KLRD1: variants seen among roughly 807,000 people sequenced by gnomAD.
The protein encoded by KLRD1 is killer cell lectin like receptor D1.
A neutral mutation model predicts 22.6 loss-of-function variants in KLRD1; 21 were observed. The observed-to-expected ratio is 0.93, with a 90% CI of 0.66 to 1.34. The LOEUF (loss-of-function observed/expected upper bound fraction) is 1.34, where lower values mean the gene tolerates loss of function less well. Among genes scored for constraint, KLRD1 ranks in the 40% most tolerant of loss-of-function variants. KLRD1 has a pLI of 0.00. For synonymous variants in KLRD1, 59 were observed against 71.1 expected (o/e 0.83, Z 0.85); for missense variants, 183 against 208.6 (o/e 0.88, Z 0.76).
rs572570971 is a variant in KLRD1 at position 10,313,720 on chromosome 12, T to C, written c.419+207T>C. On this transcript the variant is annotated intron_variant, in intron 5 of 5. Coordinates refer to ENST00000336164, the MANE Select transcript of KLRD1 (RefSeq NM_002262.5). ...TAAGTGTTAAAATCAAAACAGAAGA[T>C]AATGCCTAATGAAAGGAGGTCGGGG... Among the ~76,000 whole-genome samples the C allele has an allele frequency of 2.0e-5, 3 of 152,244 alleles. No individual in the cohort carries two copies. In the East Asian group the frequency reaches 5.8e-4, roughly 29 times the overall value.
chr12:10,306,252 C>CTGTG (rs1043979688), upstream of KLRD1, among the ~76,000 whole-genome samples: 4 of 151,618 alleles, frequency 2.6e-5, no homozygotes, highest in East Asian at 3.9e-4. Flanking sequence ...TATATGTTTA[C>CTGTG]TGTGTGTGTG....
At chr12:10,308,253 A>G (rs764517049) in intron 1 of KLRD1, 169 bp downstream of exon 1, 18 of 622,684 alleles carry the variant, frequency 2.9e-5, no homozygotes, top group Non-Finnish European at 4.6e-5. Flanking sequence ...CTGATTCTTC[A>G]TTGTATAACT....
intron 1 of KLRD1, among the ~76,000 whole-genome samples, chr12:10,247,560 A>G (rs1949303838): frequency 6.6e-6 from 1 of 151,984 alleles, no homozygotes; most frequent in Admixed American, 6.6e-5. Context: ...CTTCACTTTC[A>G]TATTTTATTT....
intron 1 of KLRD1, among the ~76,000 whole-genome samples, chr12:10,264,453 A>T (rs1211511658): frequency 6.6e-6 from 1 of 152,156 alleles, no homozygotes; most frequent in Non-Finnish European, 1.5e-5. Flanking sequence ...TTATCAAAGT[A>T]GTATGTCCAG....
chr12:10,254,777 C>T (rs1161915308), intron 1 of KLRD1, among the ~76,000 whole-genome samples: 1 of 152,010 alleles, frequency 6.6e-6, no homozygotes, highest in Non-Finnish European at 1.5e-5. Context: ...CCTGTAATCC[C>T]AGCTACTCTG....
chr12:10,258,007 A>G (rs1485093865), intron 1 of KLRD1, among the ~76,000 whole-genome samples: 1 of 151,824 alleles, frequency 6.6e-6, no homozygotes, highest in Non-Finnish European at 1.5e-5. Context: ...ACATGTGGCT[A>G]CTTTTGAGTG....
intron 1 of KLRD1, among the ~76,000 whole-genome samples, chr12:10,272,541 A>G (rs76086019): frequency 0.012 from 1,816 of 152,296 alleles, 37 homozygotes; most frequent in African/African-American, 0.042. Flanking sequence ...TTTTACCTGT[A>G]TTTATTTCAT....
chr12:10,239,446 C>A lies in KLRD1; in HGVS notation c.-101+13213C>A, dbSNP rs1470510134. Among the ~76,000 whole-genome samples, 27 of 37,936 alleles carry A rather than the reference C, an allele frequency of 7.1e-4. 1 individual carries two copies. Among genetic ancestry groups the A allele is most frequent in the East Asian group, 3.8e-3 (3 of 782 alleles). The allele number at this position is 37,936 out of a possible 152,430, so 24.9% of individuals were successfully genotyped here. A position where few individuals can be genotyped will look rare whatever the true frequency, so the allele number is the denominator to read the frequency against. On this transcript the variant is annotated intron_variant, in intron 1 of 5. Coordinates refer to the KLRD1 transcript ENST00000544747. Reference sequence around the variant, plus strand: ...CATCCTTCCTTCCTTTCCTTCCTTCCTTCCTTCCTTCCTTCCTTCCTTCCT... The same window carrying A: ...CATCCTTCCTTCCTTTCCTTCCTTCATTCCTTCCTTCCTTCCTTCCTTCCT...
chr12:10,262,881 A>T (rs1295556934), intron 1 of KLRD1, among the ~76,000 whole-genome samples: 1 of 152,110 alleles, frequency 6.6e-6, no homozygotes. Flanking sequence ...ACTTTTACTT[A>T]TGAAATATAT....
At chr12:10,296,096 T>A (rs1471641520) in intron 1 of KLRD1, among the ~76,000 whole-genome samples, 1 of 152,180 alleles carries the variant, frequency 6.6e-6, no homozygotes, top group Non-Finnish European at 1.5e-5. Flanking sequence ...GTCCATTATT[T>A]TAAGAAAGAG....
intron 1 of KLRD1, among the ~76,000 whole-genome samples, chr12:10,265,055 C>T (rs567886704): frequency 2.0e-4 from 30 of 152,108 alleles, no homozygotes; most frequent in Non-Finnish European, 4.1e-4. Flanking sequence ...ATAATACCCT[C>T]TCTCTATATA....
Position 10,326,972 on chromosome 12 carries a change from A to C in KLRD1, c.*12179A>C, listed in dbSNP as rs1416953011. ...CTGTGCTTTTGGTGTCAGATTGATG[A>C]TATCATTGCCAAAACCAATGTCAAA... On this transcript the variant is annotated 3_prime_UTR_variant, in exon 6 of 6. Coordinates refer to ENST00000336164, the MANE Select transcript of KLRD1 (RefSeq NM_002262.5). The C allele has an allele frequency of 6.6e-6, 1 of 152,178 alleles. No homozygotes were observed. The highest frequency in any genetic ancestry group is 2.4e-5 in the African/African-American group (1 of 41,428). The allele number at this position is 152,178 out of a possible 1,614,324, so 9.4% of individuals were successfully genotyped here. A position where few individuals can be genotyped will look rare whatever the true frequency, so the allele number is the denominator to read the frequency against.
At chr12:10,239,449 C>T (rs370003509) in intron 1 of KLRD1, among the ~76,000 whole-genome samples, 1,014 of 56,656 alleles carry the variant, frequency 0.018, 49 homozygotes, top group South Asian at 0.041. Context: ...TTCCTTCCTT[C>T]CTTCCTTCCT....
chr12:10,309,715 G>A lies in KLRD1; in HGVS notation c.163+27G>A, dbSNP rs151157195. On this transcript the variant is annotated intron_variant, in intron 3 of 5. Transcript: ENST00000336164. ...TAGGTCACATTTTTTGGAAAACTTA[G>A]CATTGGTAAAAGATTAAATAGGCAG... is the stretch of plus-strand genomic sequence containing the variant. The A allele has an allele frequency of 3.1e-5, 47 of 1,524,690 alleles. No homozygotes were observed. In the African/African-American group the frequency reaches 4.5e-4, roughly 15 times the overall value. The allele number at this position is 1,524,690 out of a possible 1,614,324, so 94.4% of individuals were successfully genotyped here.
chr12:10,300,390 T>C (rs942188484), upstream of KLRD1, among the ~76,000 whole-genome samples: 63 of 152,346 alleles, frequency 4.1e-4, no homozygotes, highest in African/African-American at 1.5e-3. Context: ...ATTAGAGCTT[T>C]TATGTGACCA....
At chr12:10,239,627 TTCTC>T (rs1007539353) in intron 1 of KLRD1, among the ~76,000 whole-genome samples, 1 of 150,464 alleles carries the variant, frequency 6.6e-6, no homozygotes, top group African/African-American at 2.5e-5. Context: ...TCTTTTCTCT[TTCTC>T]TCTGTCTTTT....
At chr12:10,312,003 A>G (rs547511292) in intron 4 of KLRD1, among the ~76,000 whole-genome samples, 1 of 151,328 alleles carries the variant, frequency 6.6e-6, no homozygotes, top group South Asian at 2.1e-4. Flanking sequence ...CTGGGATATA[A>G]GCTAGTATGG....
At position 10,321,353 on chromosome 12, in the gene KLRD1, C is replaced by T. The variant is rs1565478565; in HGVS notation, c.*6560C>T. 6.6e-6 allele frequency: 1 copy of T among 152,174 alleles called. No homozygotes were observed. Among genetic ancestry groups the T allele is most frequent in the Non-Finnish European group, 1.5e-5 (1 of 68,030 alleles). 9.4% of individuals were successfully genotyped at this position (152,174 alleles called of 1,614,324 possible). Reference sequence around the variant, plus strand: ...TTAAGGAACTTCACCTGATGAGTCTCACTCATACCTGGATGTGACAAATTT... The same window carrying T: ...TTAAGGAACTTCACCTGATGAGTCTTACTCATACCTGGATGTGACAAATTT... On this transcript the variant is annotated 3_prime_UTR_variant, in exon 6 of 6. Transcript: ENST00000336164.
chr12:10,250,979 A>G (rs953425569), intron 1 of KLRD1, among the ~76,000 whole-genome samples: 22 of 152,132 alleles, frequency 1.4e-4, no homozygotes, highest in African/African-American at 5.3e-4. Flanking sequence ...TCAACGACTT[A>G]TTTAATGTAG....
Sources: allele counts gnomAD v4.1 joint callset (sites outside exome capture counted in the v4.1 genomes callset), GRCh38; gene constraint gnomAD v4.1.1; transcripts MANE v1.5; gene names NCBI Gene and HGNC (gene_info 2026-07-23, HGNC 2026-07-21).